Variants in LYN observed in about 807,000 individuals in gnomAD.
LYN encodes the protein tyrosine-protein kinase Lyn.
LYN carries 12 observed loss-of-function variants against 65.0 expected under a neutral mutation model. The ratio of observed to expected loss-of-function variants is 0.18; its 90% confidence interval spans 0.12 to 0.30. The LOEUF is 0.30. Among genes scored for constraint, LYN ranks in the 10% least tolerant of loss-of-function variants. The pLI, the probability that LYN is intolerant of heterozygous loss-of-function variation, is 1.00. For synonymous variants in LYN, 222 were observed against 221.2 expected, an observed-to-expected ratio of 1.00 and a Z score of -0.03; for missense variants, 380 against 623.2, an observed-to-expected ratio of 0.61 and a Z score of 4.16.
At chr8:55,949,044 C>T (rs886085177) in intron 4 of LYN, among the ~76,000 whole-genome samples, 1 of 152,216 alleles carries the variant, frequency 6.6e-6, no homozygotes, top group Non-Finnish European at 1.5e-5. Context: ...TTGCTTCTTC[C>T]AGTGCTCATC....
At chr8:55,942,128 T>C (rs1430792741) in intron 2 of LYN, 137 bp downstream of exon 2, 7 of 870,396 alleles carry the variant, frequency 8.0e-6, no homozygotes, top group Non-Finnish European at 1.2e-5. Flanking sequence ...TTGATATGCT[T>C]TGTAACTTTA....
intron 10 of LYN, among the ~76,000 whole-genome samples, chr8:55,991,185 G>A (rs1246474548): frequency 6.6e-6 from 1 of 152,240 alleles, no homozygotes; most frequent in African/African-American, 2.4e-5. Flanking sequence ...TGGAGGAAGT[G>A]GCACCTTTTC....
chr8:55,880,876 T>C (rs1804635572), intron 1 of LYN, among the ~76,000 whole-genome samples: 1 of 152,234 alleles, frequency 6.6e-6, no homozygotes, highest in South Asian at 2.1e-4. Context: ...CATCTTTTGC[T>C]TGCGGTGCAT....
intron 10 of LYN, among the ~76,000 whole-genome samples, chr8:55,977,665 C>T (rs1334907037): frequency 6.6e-6 from 1 of 151,126 alleles, no homozygotes; most frequent in Non-Finnish European, 1.5e-5. Context: ...GTAATCCCAG[C>T]TCTTTGGGAG....
chr8:56,012,961 G>A lies in LYN; in HGVS notation c.*2851G>A, dbSNP rs752061288. Reference sequence around the variant, plus strand: ...CACAGGCTAGAAACCAGTGTCCTTAGTAGTAGGGGCCACCTGGGGCTTCCG... The same window carrying A: ...CACAGGCTAGAAACCAGTGTCCTTAATAGTAGGGGCCACCTGGGGCTTCCG... On this transcript the variant is annotated 3_prime_UTR_variant, in exon 13 of 13. Transcript: ENST00000519728. 1 of 152,194 alleles carries A rather than the reference G, an allele frequency of 6.6e-6. No homozygotes were observed. Among genetic ancestry groups the A allele is most frequent in the Non-Finnish European group, 1.5e-5 (1 of 68,040 alleles). 9.4% of individuals were successfully genotyped at this position (152,194 alleles called of 1,614,324 possible).
chr8:55,902,909 C>T (rs1053773396), intron 1 of LYN: 15 of 355,766 alleles, frequency 4.2e-5, no homozygotes, highest in Admixed American at 1.1e-4. Flanking sequence ...AGTGCAGCGG[C>T]GCAATCTCCA....
chr8:56,009,804 T>C lies in LYN; in HGVS notation c.1337-104T>C, dbSNP rs1808763722. On this transcript the variant is annotated intron_variant, in intron 12 of 12. Transcript: ENST00000519728. ...GCCTCAGTAAAGCTTGTTTCAATCA[T>C]GGTTACAGGATGTGAGGAGCAAAAA... 4 of 876,410 alleles carry C rather than the reference T, an allele frequency of 4.6e-6. No individual in the cohort carries two copies. The South Asian group carries it at 4.9e-5, about 11-fold the overall frequency. 54.3% of individuals were successfully genotyped at this position (876,410 alleles called of 1,614,324 possible). A position where few individuals can be genotyped will look rare whatever the true frequency, so the allele number is the denominator to read the frequency against.
rs1585634774 is a variant in LYN, at chr8:55,954,046, C to A, written c.790+62C>A. 4.2e-5 allele frequency: 65 copies of A among 1,554,072 alleles called. No homozygotes were observed. The East Asian group carries it at 5.9e-4, about 14-fold the overall frequency. On this transcript the variant is annotated intron_variant, in intron 8 of 12. Transcript: ENST00000519728. ...GATGGTGACAGGAGAAGTAAAGGCTCAAGCCAATTTCGATCAGCTTCTGAG... is the reference window on the plus strand; with the variant it reads ...GATGGTGACAGGAGAAGTAAAGGCTAAAGCCAATTTCGATCAGCTTCTGAG...
At chr8:55,960,059 T>C (rs1008580983) in intron 8 of LYN, among the ~76,000 whole-genome samples, 2 of 152,210 alleles carry the variant, frequency 1.3e-5, no homozygotes, top group Non-Finnish European at 2.9e-5. Context: ...GGATTTCTTT[T>C]TGGAGTCATG....
In LYN at chr8:55,941,943, A is replaced by T; in HGVS notation, c.84A>T (p.Glu28Asp). The T allele has an allele frequency of 6.2e-7, 1 of 1,613,424 alleles. No individual in the cohort carries two copies. The highest frequency in any genetic ancestry group is 8.5e-7 in the Non-Finnish European group (1 of 1,179,560). Residue 28 changes from glutamate (E) to aspartate (D), a missense_variant, in exon 2 of 13, where the codon GAA becomes GAT. Coordinates refer to ENST00000519728, the MANE Select transcript of LYN (RefSeq NM_002350.4). ...DLKTQPVRNTERTIYVRDPTS... is the reference protein window; with the variant it reads ...DLKTQPVRNTDRTIYVRDPTS... ...AGACTCAACCAGTACGTAATACTGA[A>T]AGAACTATTTATGTGAGAGATCCAA... is the stretch of plus-strand genomic sequence containing the variant.
At chr8:55,949,591 G>T (rs570911052) in intron 4 of LYN, among the ~76,000 whole-genome samples, 1 of 152,306 alleles carries the variant, frequency 6.6e-6, no homozygotes, top group African/African-American at 2.4e-5. Context: ...ATTATATGCA[G>T]TCATGGGATA....
chr8:55,967,450 G>T (rs1807494238), intron 9 of LYN, among the ~76,000 whole-genome samples: 1 of 151,644 alleles, frequency 6.6e-6, no homozygotes, highest in Non-Finnish European at 1.5e-5. Flanking sequence ...TAGTAGCTGG[G>T]ACTACAGGCA....
At chr8:55,911,679 C>A in intron 1 of LYN, among the ~76,000 whole-genome samples, 1 of 84,144 alleles carries the variant, frequency 1.2e-5, no homozygotes, top group Admixed American at 1.2e-4. Flanking sequence ...GTCCTATGAG[C>A]TGCGGGGCAC....
At chr8:55,932,759 T>C (rs1481745195) in intron 1 of LYN, among the ~76,000 whole-genome samples, 1 of 152,160 alleles carries the variant, frequency 6.6e-6, no homozygotes, top group African/African-American at 2.4e-5. Flanking sequence ...TATACTCGCA[T>C]TTATATACCA....
intron 10 of LYN, among the ~76,000 whole-genome samples, chr8:55,971,877 C>G (rs977935822): frequency 6.6e-6 from 1 of 152,144 alleles, no homozygotes; most frequent in Non-Finnish European, 1.5e-5. Flanking sequence ...CTTTCTAGAC[C>G]TTCATAGCTT....
At chr8:55,913,110 A>G (rs1407753570) in intron 1 of LYN, among the ~76,000 whole-genome samples, 1 of 152,212 alleles carries the variant, frequency 6.6e-6, no homozygotes, top group Non-Finnish European at 1.5e-5. Context: ...AACTGGCCTC[A>G]TATCCAAAAA....
Position 56,011,081 on chromosome 8 carries a change from G to A in LYN, c.*971G>A, listed in dbSNP as rs1411261561. ...TAAAGATCAAGTATTAATTTTAGTT[G>A]TACTCTAGAAAGCTAAAGTGCCACA... On this transcript the variant is annotated 3_prime_UTR_variant, in exon 13 of 13. Transcript: ENST00000519728. 4.3e-6 allele frequency: 1 copy of A among 230,682 alleles called. No individual in the cohort carries two copies. Among genetic ancestry groups the A allele is most frequent in the Non-Finnish European group, 8.6e-6 (1 of 116,678 alleles). 14.3% of individuals were successfully genotyped at this position (230,682 alleles called of 1,614,324 possible). A position where few individuals can be genotyped will look rare whatever the true frequency, so the allele number is the denominator to read the frequency against.
At chr8:55,911,134 C>T (rs534557221) in intron 1 of LYN, among the ~76,000 whole-genome samples, 577 of 11,916 alleles carry the variant, frequency 0.048, 3 homozygotes, top group Non-Finnish European at 0.061. Context: ...TATACACATA[C>T]ATATATATAC....
intron 12 of LYN, among the ~76,000 whole-genome samples, chr8:56,000,446 C>T (rs1585681135): frequency 1.3e-5 from 2 of 151,936 alleles, no homozygotes; most frequent in Admixed American, 6.6e-5. Flanking sequence ...AGAGGGATTT[C>T]GGCCAGGTGC....
Sources: gnomAD v4.1 joint callset for allele counts (sites outside exome capture counted in the v4.1 genomes callset) on GRCh38, gnomAD v4.1.1 for gene constraint, MANE v1.5 for transcripts, NCBI Gene and HGNC (gene_info 2026-07-23, HGNC 2026-07-21) for gene names.